The following IMMP2L variants were observed in gnomAD, a reference collection of about 807,000 sequenced individuals.
The protein encoded by IMMP2L is inner mitochondrial membrane peptidase subunit 2, also known as mitochondrial inner membrane protease subunit 2.
A neutral mutation model predicts 19.3 loss-of-function variants in IMMP2L; 18 were observed. The observed-to-expected ratio is 0.93, with a 90% CI of 0.64 to 1.38. IMMP2L has a LOEUF of 1.38. Ranked by LOEUF, IMMP2L falls within the 40% of genes most tolerant of loss-of-function variation. IMMP2L has a pLI of 0.00. For missense variants in IMMP2L, 233 were observed against 218.2 expected, an observed-to-expected ratio of 1.07 and a Z score of -0.43; for synonymous variants, 76 against 73.0, an observed-to-expected ratio of 1.04 and a Z score of -0.21.
intron 5 of IMMP2L, among the ~76,000 whole-genome samples, chr7:110,835,077 C>T (rs1221256892): frequency 6.6e-6 from 1 of 152,104 alleles, no homozygotes; most frequent in Admixed American, 6.6e-5. Flanking sequence ...TAGAATCTCA[C>T]CACCAGAGCA....
chr7:111,486,062 T>C (rs1004244354), intron 3 of IMMP2L, among the ~76,000 whole-genome samples: 8 of 152,012 alleles, frequency 5.3e-5, no homozygotes, highest in Admixed American at 2.6e-4. Flanking sequence ...GTTGCAAAAA[T>C]AGTACTCGGA....
intron 3 of IMMP2L, among the ~76,000 whole-genome samples, chr7:111,318,186 C>T (rs1307950838): frequency 6.6e-6 from 1 of 152,072 alleles, no homozygotes; most frequent in African/African-American, 2.4e-5. Flanking sequence ...GAAGGAGGGC[C>T]ACGGGGCCTT....
At chr7:111,336,640 T>C (rs1175628200) in intron 3 of IMMP2L, among the ~76,000 whole-genome samples, 6 of 152,084 alleles carry the variant, frequency 3.9e-5, no homozygotes, top group Non-Finnish European at 7.4e-5. Flanking sequence ...TTCATATTCA[T>C]GCATTCATGT....
intron 3 of IMMP2L, among the ~76,000 whole-genome samples, chr7:111,397,160 C>G (rs1012367345): frequency 6.6e-6 from 1 of 151,908 alleles, no homozygotes; most frequent in African/African-American, 2.4e-5. Context: ...CCAATATTTA[C>G]ATTCTCTGTA....
intron 1 of IMMP2L, among the ~76,000 whole-genome samples, chr7:111,532,786 C>A (rs1847523114): frequency 6.6e-6 from 1 of 152,170 alleles, no homozygotes; most frequent in Admixed American, 6.5e-5. Context: ...AAAATAAAAT[C>A]TATTCAGACT....
intron 3 of IMMP2L, among the ~76,000 whole-genome samples, chr7:111,243,030 T>C (rs139475249): frequency 6.6e-6 from 1 of 152,126 alleles, no homozygotes; most frequent in East Asian, 1.9e-4. Context: ...TCTCTTTTTG[T>C]GCACTTTTCT....
chr7:111,460,724 A>C (rs898010016), intron 3 of IMMP2L, among the ~76,000 whole-genome samples: 1 of 152,056 alleles, frequency 6.6e-6, no homozygotes, highest in African/African-American at 2.4e-5. Context: ...TGATTATCTA[A>C]AGCCCAACAT....
At chr7:111,560,931 A>C (rs1422631498) in intron 1 of IMMP2L, among the ~76,000 whole-genome samples, 1 of 152,206 alleles carries the variant, frequency 6.6e-6, no homozygotes, top group Non-Finnish European at 1.5e-5. Context: ...GCAGCCTATC[A>C]CAGAGGGCAA....
intron 5 of IMMP2L, among the ~76,000 whole-genome samples, chr7:110,813,238 T>C (rs1802176111): frequency 6.6e-6 from 1 of 152,174 alleles, no homozygotes; most frequent in African/African-American, 2.4e-5. Context: ...CATTTTAAAC[T>C]GAAACTCCCT....
At chr7:111,106,821 A>G (rs936676360) in intron 3 of IMMP2L, among the ~76,000 whole-genome samples, 19 of 151,338 alleles carry the variant, frequency 1.3e-4, no homozygotes, top group African/African-American at 4.1e-4. Context: ...ACACACAAAT[A>G]GATTTCTTTT....
chr7:110,927,130 C>A (rs1187314713), intron 4 of IMMP2L, among the ~76,000 whole-genome samples: 1 of 151,930 alleles, frequency 6.6e-6, no homozygotes. Flanking sequence ...CTCCTACCCC[C>A]ACTTCACCTC....
chr7:111,385,597 T>C (rs1209992701), intron 3 of IMMP2L, among the ~76,000 whole-genome samples: 2 of 152,144 alleles, frequency 1.3e-5, no homozygotes, highest in Non-Finnish European at 1.5e-5. Context: ...TTGATCTTTT[T>C]ATTGCTGTTT....
chr7:111,451,744 A>C (rs996923878), intron 3 of IMMP2L, among the ~76,000 whole-genome samples: 2 of 151,794 alleles, frequency 1.3e-5, no homozygotes, highest in Non-Finnish European at 2.9e-5. Flanking sequence ...GGGAAGAACA[A>C]GAGAATAAAG....
chr7:111,260,681 T>C (rs541468086), intron 3 of IMMP2L, among the ~76,000 whole-genome samples: 3 of 152,258 alleles, frequency 2.0e-5, no homozygotes, highest in East Asian at 3.9e-4. Flanking sequence ...TGTGGTACTT[T>C]AGAAAATATG....
chr7:111,075,400 T>C (rs1795315639), intron 3 of IMMP2L, among the ~76,000 whole-genome samples: 1 of 152,196 alleles, frequency 6.6e-6, no homozygotes, highest in South Asian at 2.1e-4. Flanking sequence ...AGTACTGGGA[T>C]TACAGGTGTG....
intron 3 of IMMP2L, among the ~76,000 whole-genome samples, chr7:111,356,411 T>C (rs1000565690): frequency 6.6e-6 from 1 of 152,110 alleles, no homozygotes; most frequent in African/African-American, 2.4e-5. Context: ...AATCTAGAGG[T>C]GACTTTAAGT....
chr7:111,178,015 C>T (rs1376751991), intron 3 of IMMP2L, among the ~76,000 whole-genome samples: 1 of 152,002 alleles, frequency 6.6e-6, no homozygotes, highest in African/African-American at 2.4e-5. Flanking sequence ...ATGCTAATTA[C>T]TTTTCACATT....
chr7:111,207,090 T>C lies in IMMP2L; in HGVS notation c.240-243525A>G, dbSNP rs549786305. ...TCTCCTTTTGGAATATATTGTACAATAGAAAATTTTCCAGAGTCTCCATTT... is the reference window on the plus strand; with the variant it reads ...TCTCCTTTTGGAATATATTGTACAACAGAAAATTTTCCAGAGTCTCCATTT... On this transcript the variant is annotated intron_variant, in intron 3 of 5. Coordinates refer to ENST00000405709, the MANE Select transcript of IMMP2L (RefSeq NM_032549.4). Among the ~76,000 whole-genome samples the C allele has an allele frequency of 2.2e-3, 339 of 152,312 alleles. 4 individuals carry two copies. Among genetic ancestry groups the C allele is most frequent in the Middle Eastern group, 0.014 (4 of 294 alleles).
At chr7:110,979,709 C>CA (rs1413752431) in intron 3 of IMMP2L, among the ~76,000 whole-genome samples, 1 of 150,974 alleles carries the variant, frequency 6.6e-6, no homozygotes, top group Non-Finnish European at 1.5e-5. Context: ...AAAACAAAAC[C>CA]AAAAAAACCT....
Sources: allele counts gnomAD v4.1 joint callset (sites outside exome capture counted in the v4.1 genomes callset), GRCh38; gene constraint gnomAD v4.1.1; transcripts MANE v1.5; gene names NCBI Gene and HGNC (gene_info 2026-07-23, HGNC 2026-07-21).